Variants in KCNQ5 observed in about 807,000 individuals in gnomAD.
KCNQ5 encodes potassium voltage-gated channel subfamily Q member 5.
A neutral mutation model predicts 98.2 loss-of-function variants in KCNQ5; 30 were observed. That is an observed-to-expected ratio of 0.31 (90% CI 0.23 to 0.41). The LOEUF (loss-of-function observed/expected upper bound fraction) is 0.41. Ranked by LOEUF, KCNQ5 falls within the 10% of genes least tolerant of loss-of-function variation. The pLI is 1.00. For synonymous variants in KCNQ5, 458 were observed against 449.4 expected, an observed-to-expected ratio of 1.02 and a Z score of -0.24; for missense variants, 835 against 1,182.5, an observed-to-expected ratio of 0.71 and a Z score of 4.31.
At chr6:72,883,449 A>G (rs1327949437) in intron 1 of KCNQ5, among the ~76,000 whole-genome samples, 1 of 152,162 alleles carries the variant, frequency 6.6e-6, no homozygotes, top group Non-Finnish European at 1.5e-5. Flanking sequence ...TGAAACATCC[A>G]TTGTTGGATT....
At chr6:72,773,019 T>A (rs1360049428) in intron 1 of KCNQ5, among the ~76,000 whole-genome samples, 1 of 152,162 alleles carries the variant, frequency 6.6e-6, no homozygotes, top group African/African-American at 2.4e-5. Flanking sequence ...GATTTTAGCT[T>A]ATCAGTGTTG....
chr6:72,830,973 T>C (rs1045332911), intron 1 of KCNQ5, among the ~76,000 whole-genome samples: 1 of 151,948 alleles, frequency 6.6e-6, no homozygotes, highest in Non-Finnish European at 1.5e-5. Flanking sequence ...AACAGACACA[T>C]GAAAAAAATG....
chr6:72,972,490 C>A (rs113119014), intron 1 of KCNQ5, among the ~76,000 whole-genome samples: 2,495 of 151,922 alleles, frequency 0.016, 77 homozygotes, highest in African/African-American at 0.056. Context: ...AGTTTTCTCC[C>A]CTCACCCCCT....
intron 1 of KCNQ5, among the ~76,000 whole-genome samples, chr6:72,789,657 G>A (rs1773931054): frequency 6.6e-6 from 1 of 152,086 alleles, no homozygotes; most frequent in African/African-American, 2.4e-5. Context: ...GTTTTGTGAG[G>A]TAGACATTAT....
intron 11 of KCNQ5, among the ~76,000 whole-genome samples, chr6:73,178,377 C>T (rs926594153): frequency 3.3e-5 from 5 of 150,628 alleles, no homozygotes; most frequent in Non-Finnish European, 5.9e-5. Context: ...GGCTTGAGCC[C>T]AGGAGTTTGA....
chr6:73,097,158 T>TATATATATATATAC (rs978966757), intron 5 of KCNQ5, among the ~76,000 whole-genome samples: 154 of 147,000 alleles, frequency 1.0e-3, no homozygotes, highest in African/African-American at 3.5e-3. Flanking sequence ...TATATATATA[T>TATATATATATATAC]ACACACACAC....
At chr6:73,067,757 A>G (rs1305451469) in intron 3 of KCNQ5, among the ~76,000 whole-genome samples, 4 of 152,064 alleles carry the variant, frequency 2.6e-5, no homozygotes, top group African/African-American at 9.7e-5. Context: ...ACCTTGGCCA[A>G]TGTACTAACC....
chr6:72,941,557 TCCC>T, intron 1 of KCNQ5, among the ~76,000 whole-genome samples: 1 of 76,614 alleles, frequency 1.3e-5, no homozygotes, highest in African/African-American at 4.0e-5. Context: ...CCTTCTTCCC[TCCC>T]TCCTTCCTTC....
At chr6:72,883,201 T>C (rs1180783088) in intron 1 of KCNQ5, among the ~76,000 whole-genome samples, 1 of 152,214 alleles carries the variant, frequency 6.6e-6, no homozygotes, top group Non-Finnish European at 1.5e-5. Flanking sequence ...ACTCTCAAAA[T>C]GTTTAACAAC....
At chr6:73,007,833 A>G (rs1052926219) in intron 2 of KCNQ5, among the ~76,000 whole-genome samples, 7 of 152,194 alleles carry the variant, frequency 4.6e-5, no homozygotes, top group Non-Finnish European at 1.0e-4. Flanking sequence ...CCATTGCTGT[A>G]AGCCCCTCCC....
At chr6:72,903,315 TG>T (rs1364776845) in intron 1 of KCNQ5, among the ~76,000 whole-genome samples, 11 of 152,190 alleles carry the variant, frequency 7.2e-5, no homozygotes, top group African/African-American at 2.2e-4. Context: ...TGTAATTTTT[TG>T]TTTCAAATTC....
At chr6:72,941,028 G>T (rs982267568) in intron 1 of KCNQ5, among the ~76,000 whole-genome samples, 1 of 152,098 alleles carries the variant, frequency 6.6e-6, no homozygotes, top group African/African-American at 2.4e-5. Context: ...GTCGAGTGGG[G>T]TCTTATTAAA....
intron 1 of KCNQ5, among the ~76,000 whole-genome samples, chr6:72,728,041 A>G (rs139341266): frequency 6.6e-6 from 1 of 152,312 alleles, no homozygotes; most frequent in Non-Finnish European, 1.5e-5. Context: ...TACTTCTGCT[A>G]ACATACTACT....
intron 3 of KCNQ5, among the ~76,000 whole-genome samples, chr6:73,065,819 T>C (rs976185771): frequency 3.3e-5 from 5 of 152,172 alleles, no homozygotes; most frequent in African/African-American, 1.2e-4. Context: ...GGGTCATGGC[T>C]CCTCTGAGAT....
intron 11 of KCNQ5, among the ~76,000 whole-genome samples, chr6:73,189,200 G>A (rs1393750473): frequency 6.6e-6 from 1 of 152,030 alleles, no homozygotes; most frequent in Admixed American, 6.6e-5. Flanking sequence ...ATACTAAGAG[G>A]TTAAATTAAA....
chr6:73,141,231 G>A (rs1776694541), intron 10 of KCNQ5, among the ~76,000 whole-genome samples: 1 of 152,142 alleles, frequency 6.6e-6, no homozygotes, highest in Middle Eastern at 3.2e-3. Context: ...TCTTTATGAG[G>A]GCACTAATCC....
intron 3 of KCNQ5, among the ~76,000 whole-genome samples, chr6:73,049,683 C>T (rs1163909493): frequency 2.0e-5 from 3 of 152,100 alleles, no homozygotes; most frequent in Non-Finnish European, 4.4e-5. Context: ...TTTTCAAGAT[C>T]CGTATTTTCA....
At chr6:73,194,422 C>T (rs757804525) in intron 13 of KCNQ5, 30 bp from the exon 14 acceptor site, 1 of 1,573,360 alleles carries the variant, frequency 6.4e-7, no homozygotes, top group Non-Finnish European at 8.6e-7. Context: ...ACAGATTATA[C>T]TCATGTGTAA....
At chr6:72,893,228 T>C (rs1035320454) in intron 1 of KCNQ5, among the ~76,000 whole-genome samples, 17 of 152,156 alleles carry the variant, frequency 1.1e-4, no homozygotes, top group African/African-American at 4.1e-4. Context: ...CAGCCATAGA[T>C]ACACTGGAGA....
Sources: allele counts gnomAD v4.1 joint callset (sites outside exome capture counted in the v4.1 genomes callset), GRCh38; gene constraint gnomAD v4.1.1; transcripts MANE v1.5; gene names NCBI Gene and HGNC (gene_info 2026-07-23, HGNC 2026-07-21).